GPM6A: variants seen among roughly 807,000 people sequenced by gnomAD.
The protein encoded by GPM6A is neuronal membrane glycoprotein M6-a.
Under a neutral mutation model 32.1 loss-of-function variants are expected in GPM6A, and 7 were observed. The observed-to-expected ratio is 0.22, with a 90% CI of 0.12 to 0.41. The LOEUF (loss-of-function observed/expected upper bound fraction) is 0.41, where lower values mean the gene tolerates loss of function less well. GPM6A is among the 10% of genes least tolerant of loss of function. The pLI is 1.00. For synonymous variants in GPM6A, 130 were observed against 123.4 expected (o/e 1.05, Z -0.35); for missense variants, 235 against 347.2 (o/e 0.68, Z 2.57).
chr4:175,740,564 T>C (rs554790446), intron 1 of GPM6A, among the ~76,000 whole-genome samples: 1 of 152,200 alleles, frequency 6.6e-6, no homozygotes, highest in Non-Finnish European at 1.5e-5. Flanking sequence ...GAAAAATTAA[T>C]TGAATATATC....
chr4:175,817,390 A>G (rs13151881), intron 1 of GPM6A, among the ~76,000 whole-genome samples: 135,147 of 152,024 alleles, frequency 0.89, 62,204 homozygotes, highest in East Asian at 1. Context: ...GGATACTAAG[A>G]AGACAAATTC....
intron 4 of GPM6A, among the ~76,000 whole-genome samples, chr4:175,647,046 C>T (rs1560849534): frequency 2.0e-5 from 3 of 152,156 alleles, no homozygotes; most frequent in African/African-American, 7.2e-5. Flanking sequence ...CTGCTTTCAG[C>T]AACAAAAATA....
rs566410017 is a variant in GPM6A at position 175,756,792 on chromosome 4, T to C, written c.38-55025A>G. On this transcript the variant is annotated intron_variant, in intron 1 of 6. Coordinates refer to ENST00000393658, the MANE Select transcript of GPM6A (RefSeq NM_201591.3). ...CTTCGAATTAGTATTAAAAATACTCTAGGTGATAAGCAATAGAAGGACAAG... is the reference window on the plus strand; with the variant it reads ...CTTCGAATTAGTATTAAAAATACTCCAGGTGATAAGCAATAGAAGGACAAG... Among the ~76,000 whole-genome samples, 23 of 152,226 alleles carry C rather than the reference T, an allele frequency of 1.5e-4. No individual in the cohort carries two copies. In the South Asian group the frequency reaches 4.8e-3, roughly 32 times the overall value.
chr4:175,712,028 C>A (rs1249736133), intron 1 of GPM6A, among the ~76,000 whole-genome samples: 2 of 152,052 alleles, frequency 1.3e-5, no homozygotes, highest in Admixed American at 6.6e-5. Context: ...TAAAGACACA[C>A]ACACACACAA....
chr4:175,811,053 C>CGTGT (rs146081744), intron 1 of GPM6A, among the ~76,000 whole-genome samples: 2 of 149,874 alleles, frequency 1.3e-5, no homozygotes, highest in African/African-American at 2.4e-5. Flanking sequence ...TCCTTTATTA[C>CGTGT]GTGTGTGTGT....
At chr4:176,002,241 C>T in intron 1 of GPM6A, 1 of 1,509,484 alleles carries the variant, frequency 6.6e-7, no homozygotes, top group Non-Finnish European at 9.1e-7. Context: ...CATTCATTTT[C>T]TTTCTATAAT....
At position 175,751,398 on chromosome 4, in the gene GPM6A, T is replaced by C. The variant is rs573343064; in HGVS notation, c.38-49631A>G. ...GAATGGCAACTTATTTTCCCAAGGA[T>C]ACTGTAGGAAAAATATTCTTTTGTT... On this transcript the variant is annotated intron_variant, in intron 1 of 6. Coordinates refer to ENST00000393658, the MANE Select transcript of GPM6A (RefSeq NM_201591.3). Among the ~76,000 whole-genome samples the C allele has an allele frequency of 8.7e-4, 133 of 152,300 alleles. 2 individuals carry two copies. The highest frequency in any genetic ancestry group is 3.4e-3 in the Middle Eastern group (1 of 294).
intron 1 of GPM6A, among the ~76,000 whole-genome samples, chr4:175,738,687 G>C (rs919943526): frequency 3.9e-5 from 6 of 151,996 alleles, no homozygotes; most frequent in Non-Finnish European, 7.4e-5. Flanking sequence ...AAATCTCTAA[G>C]CTTTGATAAA....
intron 1 of GPM6A, among the ~76,000 whole-genome samples, chr4:175,928,110 T>A (rs895562286): frequency 1.3e-5 from 2 of 152,110 alleles, no homozygotes; most frequent in Admixed American, 1.3e-4. Flanking sequence ...ACAGAAGAGA[T>A]TTTTATTTTT....
At chr4:175,814,975 C>T (rs1360255100), upstream of GPM6A, among the ~76,000 whole-genome samples, 2 of 152,128 alleles carry the variant, frequency 1.3e-5, no homozygotes, top group Non-Finnish European at 2.9e-5. Flanking sequence ...CCTCCTTTCC[C>T]CTTCCTCCTG....
At chr4:175,648,332 G>T (rs560985253) in intron 4 of GPM6A, among the ~76,000 whole-genome samples, 3 of 152,118 alleles carry the variant, frequency 2.0e-5, no homozygotes, top group Admixed American at 1.3e-4. Context: ...CTTAACTCCG[G>T]AACTTGTACC....
chr4:175,698,411 T>C (rs1413723723), intron 2 of GPM6A, among the ~76,000 whole-genome samples: 2 of 152,164 alleles, frequency 1.3e-5, no homozygotes, highest in Non-Finnish European at 2.9e-5. Context: ...AGGAGATGTA[T>C]GGCCTGCAAA....
chr4:175,701,962 G>T (rs1192663183), intron 1 of GPM6A, among the ~76,000 whole-genome samples, 195 bp from the exon 2 acceptor site: 1 of 152,092 alleles, frequency 6.6e-6, no homozygotes, highest in African/African-American at 2.4e-5. Flanking sequence ...ACAAATAAGA[G>T]AATGTTTGCC....
At chr4:175,878,347 G>T (rs942579440) in intron 1 of GPM6A, among the ~76,000 whole-genome samples, 2 of 152,174 alleles carry the variant, frequency 1.3e-5, no homozygotes, top group African/African-American at 2.4e-5. Context: ...AGTTGCCCTA[G>T]CAGAGGTTCT....
At chr4:175,967,280 G>A (rs985473256) in intron 1 of GPM6A, among the ~76,000 whole-genome samples, 2 of 152,116 alleles carry the variant, frequency 1.3e-5, no homozygotes, top group African/African-American at 4.8e-5. Context: ...GGATCGAGGT[G>A]AACTTTCTCA....
chr4:175,813,615 T>G (rs1053868971), upstream of GPM6A, among the ~76,000 whole-genome samples: 2 of 151,792 alleles, frequency 1.3e-5, no homozygotes, highest in African/African-American at 4.8e-5. Context: ...CAGACATAAC[T>G]GTAACTCTCT....
chr4:175,969,343 C>A (rs1240760531), intron 1 of GPM6A, among the ~76,000 whole-genome samples: 2 of 152,126 alleles, frequency 1.3e-5, no homozygotes, highest in African/African-American at 4.8e-5. Context: ...TAGGTATCAT[C>A]ATACATTTGT....
chr4:175,926,339 G>T (rs542325506), intron 1 of GPM6A, among the ~76,000 whole-genome samples: 1 of 152,056 alleles, frequency 6.6e-6, no homozygotes, highest in East Asian at 1.9e-4. Flanking sequence ...AGAAAAACAC[G>T]CATAAGATCA....
chr4:175,946,518 T>C (rs1739611610), intron 1 of GPM6A, among the ~76,000 whole-genome samples: 1 of 152,070 alleles, frequency 6.6e-6, no homozygotes, highest in Non-Finnish European at 1.5e-5. Context: ...AGTGAATAAA[T>C]GGGTGATGTG....
Sources: gnomAD v4.1 joint callset for allele counts (sites outside exome capture counted in the v4.1 genomes callset) on GRCh38, gnomAD v4.1.1 for gene constraint, MANE v1.5 for transcripts, NCBI Gene and HGNC (gene_info 2026-07-23, HGNC 2026-07-21) for gene names.